Variants in FAM193A observed in about 807,000 individuals in gnomAD.
FAM193A encodes the protein family with sequence similarity 193 member A.
In FAM193A, 22 loss-of-function variants were observed where a neutral mutation model predicts 126.5. The ratio of observed to expected loss-of-function variants is 0.17; its 90% CI spans 0.12 to 0.25. The LOEUF (loss-of-function observed/expected upper bound fraction) is 0.25. FAM193A is among the 10% of genes least tolerant of loss of function. The probability of loss-of-function intolerance (pLI) is 1.00; values close to 1 mark genes in which losing one functional copy is unlikely to be tolerated. For missense variants in FAM193A, 1,675 were observed against 1,672.8 expected (o/e 1.00, Z -0.02); for synonymous variants, 761 against 646.8 (o/e 1.18, Z -2.68).
At chr4:2,675,711 G>T (rs1331477707) in intron 13 of FAM193A, among the ~76,000 whole-genome samples, 4 of 152,010 alleles carry the variant, frequency 2.6e-5, no homozygotes, top group African/African-American at 9.7e-5. Context: ...TATTAAATAC[G>T]TTGATAATGT....
Position 2,650,530 on chromosome 4 carries a change from TG to T in FAM193A, c.1311+3703del, listed in dbSNP as rs368671668. Among the ~76,000 whole-genome samples, 456 of 152,260 alleles carry T rather than the reference TG, an allele frequency of 3.0e-3. 1 individual carries two copies. The highest frequency in any genetic ancestry group is 8.4e-3 in the African/African-American group (348 of 41,554). The stretch of plus-strand genomic sequence containing the variant: ...TAGGGGAAGCCAAGACCACCCTGGC[TG>T]GGGGCAGAGATGGGAGCTCAGGGCT... On this transcript the variant is annotated intron_variant, in intron 7 of 20. Coordinates refer to ENST00000637812, the MANE Select transcript of FAM193A (RefSeq NM_001366318.2).
In FAM193A at chr4:2,662,887, A is replaced by G; in HGVS notation, c.1795A>G (p.Ile599Val). 1.2e-6 allele frequency: 2 copies of G among 1,612,878 alleles called. No individual in the cohort carries two copies. Among genetic ancestry groups the G allele is most frequent in the Non-Finnish European group, 1.7e-6 (2 of 1,178,976 alleles). Residue 599 changes from isoleucine to valine, a missense_variant, in exon 11 of 21, where the codon ATT becomes GTT. By Grantham distance (29) the Ile-to-Val change is conservative. Around this residue, in one of 4 missense-constraint regions of FAM193A, gnomAD observed 1,186 missense variants for 1,109.2 expected, o/e 1.07. Transcript: ENST00000637812. ...VAPLSAKFAD[I>V]YPLSNYDDTE... ...ACCATTGTCAGCCAAATTTGCTGAT[A>G]TTTATCCATTGAGTAATTATGATGA...
At chr4:2,539,607 A>G (rs1023005970) in intron 1 of FAM193A, among the ~76,000 whole-genome samples, 4 of 151,674 alleles carry the variant, frequency 2.6e-5, no homozygotes, top group African/African-American at 7.3e-5. Flanking sequence ...GGGTCTCACT[A>G]TGTTACCCAG....
chr4:2,696,315 A>G (rs1717029381), intron 17 of FAM193A, 48 bp from the exon 18 acceptor site: 1 of 1,274,044 alleles, frequency 7.8e-7, no homozygotes, highest in African/African-American at 1.5e-5. Flanking sequence ...GAAATTTATT[A>G]TATTCAAAAT....
chr4:2,667,867 T>C (rs959325981), intron 12 of FAM193A, among the ~76,000 whole-genome samples: 1 of 152,198 alleles, frequency 6.6e-6, no homozygotes, highest in Non-Finnish European at 1.5e-5. Flanking sequence ...AATGTCGTTA[T>C]AAAAAATAAA....
At chr4:2,663,575 A>G (rs1049619454) in intron 12 of FAM193A, among the ~76,000 whole-genome samples, 1 of 152,214 alleles carries the variant, frequency 6.6e-6, no homozygotes, top group African/African-American at 2.4e-5. Context: ...AAATTTCAGG[A>G]AAGGTTTGTT....
At chr4:2,631,633 A>G (rs1743598791) in intron 5 of FAM193A, among the ~76,000 whole-genome samples, 1 of 152,238 alleles carries the variant, frequency 6.6e-6, no homozygotes, top group South Asian at 2.1e-4. Context: ...TCATTCATGC[A>G]GGCATGCATG....
chr4:2,706,503 T>G (rs1718329655), intron 19 of FAM193A, among the ~76,000 whole-genome samples: 1 of 151,626 alleles, frequency 6.6e-6, no homozygotes, highest in African/African-American at 2.4e-5. Flanking sequence ...TCCTTGTTGG[T>G]CAGGCTGGTC....
chr4:2,558,587 C>T (rs1167655596), intron 1 of FAM193A, among the ~76,000 whole-genome samples: 1 of 152,158 alleles, frequency 6.6e-6, no homozygotes, highest in Non-Finnish European at 1.5e-5. Context: ...TTGTATGTTG[C>T]CTAGACTGGT....
intron 1 of FAM193A, among the ~76,000 whole-genome samples, chr4:2,580,007 A>G (rs1424311270): frequency 6.6e-6 from 1 of 152,202 alleles, no homozygotes; most frequent in Non-Finnish European, 1.5e-5. Context: ...TGTTCACAAT[A>G]GCAGAGACAT....
intron 1 of FAM193A, among the ~76,000 whole-genome samples, chr4:2,573,991 G>C (rs1328132350): frequency 6.6e-6 from 1 of 152,192 alleles, no homozygotes; most frequent in African/African-American, 2.4e-5. Flanking sequence ...GAATGAGTCA[G>C]AGAGGCTCAG....
intron 12 of FAM193A, among the ~76,000 whole-genome samples, chr4:2,668,012 TCCTG>T (rs1050878744): frequency 6.6e-6 from 1 of 152,150 alleles, no homozygotes; most frequent in African/African-American, 2.4e-5. Context: ...CAAGCAGTCT[TCCTG>T]CCTCAGCCTC....
At chr4:2,708,086 T>A (rs1395057829) in intron 19 of FAM193A, 1 of 435,450 alleles carries the variant, frequency 2.3e-6, no homozygotes, top group Non-Finnish European at 4.6e-6. Context: ...CTGCCCTAAC[T>A]GGTTATTTAT....
chr4:2,690,421 T>G (rs889798143), intron 14 of FAM193A, among the ~76,000 whole-genome samples: 7 of 152,218 alleles, frequency 4.6e-5, no homozygotes, highest in Non-Finnish European at 1.0e-4. Context: ...CTCAGTTTCT[T>G]CATCTTCTTA....
intron 1 of FAM193A, among the ~76,000 whole-genome samples, chr4:2,564,944 A>C (rs1454129096): frequency 1.3e-5 from 2 of 152,052 alleles, no homozygotes; most frequent in Non-Finnish European, 2.9e-5. Context: ...GACTACAGTC[A>C]CATGCCACCA....
At chr4:2,697,760 G>A (rs1017804009) in intron 18 of FAM193A, among the ~76,000 whole-genome samples, 1 of 152,220 alleles carries the variant, frequency 6.6e-6, no homozygotes, top group African/African-American at 2.4e-5. Context: ...GGCTTTGGGG[G>A]AGAAGCCTTG....
intron 6 of FAM193A, among the ~76,000 whole-genome samples, chr4:2,645,512 C>CT (rs927477916): frequency 1.3e-5 from 2 of 151,218 alleles, no homozygotes; most frequent in Non-Finnish European, 3.0e-5. Context: ...TGCCATCTTT[C>CT]TTTTTTTTTC....
At chr4:2,672,756 A>G (rs887274609) in intron 13 of FAM193A, among the ~76,000 whole-genome samples, 1 of 152,212 alleles carries the variant, frequency 6.6e-6, no homozygotes, top group African/African-American at 2.4e-5. Context: ...TGAATACAAC[A>G]TGAGTCCTCT....
chr4:2,547,604 C>CTGTGTG (rs34348453), intron 1 of FAM193A, among the ~76,000 whole-genome samples: 12 of 144,926 alleles, frequency 8.3e-5, no homozygotes, highest in South Asian at 2.2e-4. Context: ...GTGTGTGTGT[C>CTGTGTG]TGTGTGTGTG....
Sources: gnomAD v4.1 joint callset for allele counts (sites outside exome capture counted in the v4.1 genomes callset) on GRCh38, gnomAD v4.1.1 for gene constraint, gnomAD v4.1.1 regional missense constraint, MANE v1.5 for transcripts, NCBI Gene and HGNC (gene_info 2026-07-23, HGNC 2026-07-21) for gene names.